Variants in PATJ observed in about 807,000 individuals in gnomAD.
PATJ encodes inaD-like protein.
In PATJ, 190 loss-of-function variants were observed where a neutral mutation model predicts 224.9. The ratio of observed to expected loss-of-function variants is 0.84; its 90% CI spans 0.75 to 0.95. PATJ has a LOEUF of 0.95. Ranked by LOEUF, PATJ falls within the 40% of genes least tolerant of loss-of-function variation. The pLI, the probability that PATJ is intolerant of heterozygous loss-of-function variation, is 0.00. For missense variants in PATJ, 2,121 were observed against 2,270.3 expected (o/e 0.93, Z 1.34); for synonymous variants, 769 against 820.3 (o/e 0.94, Z 1.07).
intron 28 of PATJ, among the ~76,000 whole-genome samples, chr1:61,995,645 A>G (rs949683999): frequency 1.3e-5 from 2 of 152,216 alleles, no homozygotes; most frequent in Non-Finnish European, 2.9e-5. Flanking sequence ...GAAATTTTAC[A>G]TTAAGCCCCT....
At chr1:62,084,230 G>A (rs1448691234) in intron 32 of PATJ, among the ~76,000 whole-genome samples, 3 of 152,070 alleles carry the variant, frequency 2.0e-5, no homozygotes, top group Non-Finnish European at 4.4e-5. Flanking sequence ...TTCCAGCCTG[G>A]GCGACAGAGT....
At chr1:61,776,887 A>G (rs890056488) in intron 7 of PATJ, among the ~76,000 whole-genome samples, 4 of 151,942 alleles carry the variant, frequency 2.6e-5, no homozygotes, top group African/African-American at 7.2e-5. Flanking sequence ...CACAATGCCC[A>G]GCTAATTTTT....
intron 26 of PATJ, among the ~76,000 whole-genome samples, chr1:61,927,496 GC>G (rs1244842591): frequency 1.3e-5 from 2 of 152,174 alleles, no homozygotes; most frequent in Non-Finnish European, 2.9e-5. Flanking sequence ...AGTCTTAAAA[GC>G]TTGCTCTTAA....
chr1:62,124,377 C>T (rs1665454691), intron 39 of PATJ, among the ~76,000 whole-genome samples: 1 of 152,156 alleles, frequency 6.6e-6, no homozygotes, highest in African/African-American at 2.4e-5. Context: ...GCCACCAGGC[C>T]CGGCCAAAAG....
At chr1:62,119,678 A>C (rs1225370276) in intron 37 of PATJ, among the ~76,000 whole-genome samples, 2 of 152,196 alleles carry the variant, frequency 1.3e-5, no homozygotes, top group African/African-American at 4.8e-5. Context: ...GTGGTGGCTC[A>C]CATCTGTAAT....
chr1:61,914,520 GAAAA>G, intron 25 of PATJ, 63 bp from the exon 26 acceptor site: 1 of 740,950 alleles, frequency 1.3e-6, no homozygotes, highest in Non-Finnish European at 2.3e-6. Flanking sequence ...AATGTCAAGA[GAAAA>G]AAAAGGAATG....
At chr1:62,012,810 C>T (rs1646531795) in intron 28 of PATJ, among the ~76,000 whole-genome samples, 1 of 152,028 alleles carries the variant, frequency 6.6e-6, no homozygotes, top group African/African-American at 2.4e-5. Flanking sequence ...CTAGCCCTAA[C>T]CCTAAATGTG....
chr1:61,750,584 C>T (rs2148180215), intron 1 of PATJ, among the ~76,000 whole-genome samples: 1 of 151,856 alleles, frequency 6.6e-6, no homozygotes, highest in African/African-American at 2.4e-5. Context: ...ATTACAGGTG[C>T]CCGCGACCAT....
chr1:62,045,734 C>A (rs991184059), intron 30 of PATJ, among the ~76,000 whole-genome samples: 3 of 152,184 alleles, frequency 2.0e-5, no homozygotes, highest in Non-Finnish European at 4.4e-5. Flanking sequence ...TGGCCCCCAT[C>A]CGTCAGCCAG....
chr1:61,986,611 G>A (rs1644771849), intron 27 of PATJ, among the ~76,000 whole-genome samples: 1 of 151,946 alleles, frequency 6.6e-6, no homozygotes, highest in Non-Finnish European at 1.5e-5. Context: ...TGTACAAACG[G>A]GGTCTCGCTA....
At chr1:62,052,109 T>G (rs1206517124) in intron 31 of PATJ, among the ~76,000 whole-genome samples, 1 of 152,212 alleles carries the variant, frequency 6.6e-6, no homozygotes, top group Non-Finnish European at 1.5e-5. Context: ...GTAGGCTTTT[T>G]TCCCCTCTGT....
chr1:62,134,884 C>G (rs1185027431), intron 41 of PATJ, among the ~76,000 whole-genome samples: 1 of 152,034 alleles, frequency 6.6e-6, no homozygotes, highest in Non-Finnish European at 1.5e-5. Flanking sequence ...CAAATCAGCA[C>G]AGTTACCAAT....
intron 27 of PATJ, among the ~76,000 whole-genome samples, chr1:61,966,142 C>T (rs1682100618): frequency 6.6e-6 from 1 of 152,138 alleles, no homozygotes; most frequent in African/African-American, 2.4e-5. Context: ...CCTTGTGATC[C>T]ACCCACCTTG....
Position 61,967,372 on chromosome 1 carries a change from A to G in PATJ, c.3671-22796A>G, listed in dbSNP as rs2498966. On this transcript the variant is annotated intron_variant, in intron 27 of 43. Coordinates refer to ENST00000642238, the MANE Select transcript of PATJ (RefSeq NM_001350145.3). ...AGTTTTACTAATTTAACCTTAAACT[A>G]TCTCTAAGAGTTGAACTTTCTATTC... is the stretch of plus-strand genomic sequence containing the variant. 3.5e-3 allele frequency among the ~76,000 whole-genome samples: 539 copies of G among 152,304 alleles called. 3 individuals are homozygous for G. Among genetic ancestry groups the G allele is most frequent in the African/African-American group, 0.012 (508 of 41,552 alleles).
chr1:61,942,553 CTT>C (rs57009563), intron 27 of PATJ, among the ~76,000 whole-genome samples: 34 of 137,730 alleles, frequency 2.5e-4, no homozygotes, highest in Non-Finnish European at 2.6e-4. Context: ...TTGGCAGTTT[CTT>C]TTTTTTTTTT....
intron 1 of PATJ, among the ~76,000 whole-genome samples, chr1:61,746,838 A>G (rs977479745): frequency 6.6e-6 from 1 of 152,224 alleles, no homozygotes; most frequent in African/African-American, 2.4e-5. Context: ...TAACATTAGG[A>G]TGTATTTTCT....
chr1:62,051,748 T>C (rs1329743302), intron 31 of PATJ, among the ~76,000 whole-genome samples: 1 of 152,226 alleles, frequency 6.6e-6, no homozygotes, highest in Non-Finnish European at 1.5e-5. Flanking sequence ...AAGCAAAAGA[T>C]ACTTAAACTT....
chr1:62,048,545 CAAAAAAAAAA>C (rs773157635), intron 30 of PATJ, among the ~76,000 whole-genome samples: 1 of 66,192 alleles, frequency 1.5e-5, no homozygotes, highest in South Asian at 9.1e-4. Flanking sequence ...GACTCTGTCT[CAAAAAAAAAA>C]AAAAAAAAAA....
intron 20 of PATJ, among the ~76,000 whole-genome samples, chr1:61,871,572 T>A (rs1311934219): frequency 5.4e-5 from 6 of 110,796 alleles, no homozygotes; most frequent in South Asian, 2.8e-4. Context: ...TTTTTTTTTT[T>A]TTTTTTTTGA....
Sources: gnomAD v4.1 joint callset for allele counts (sites outside exome capture counted in the v4.1 genomes callset) on GRCh38, gnomAD v4.1.1 for gene constraint, MANE v1.5 for transcripts, NCBI Gene and HGNC (gene_info 2026-07-23, HGNC 2026-07-21) for gene names.